The following PTPRM variants were observed in gnomAD, a reference collection of about 807,000 sequenced individuals.
PTPRM encodes protein tyrosine phosphatase receptor type M.
In PTPRM, 47 loss-of-function variants were observed where a neutral mutation model predicts 186.7. That is an observed-to-expected ratio of 0.25 (90% CI 0.20 to 0.32). The LOEUF is 0.32. PTPRM is among the 10% of genes least tolerant of loss of function. The pLI, the probability that PTPRM is intolerant of heterozygous loss-of-function variation, is 1.00. For synonymous variants in PTPRM, 668 were observed against 674.9 expected, an observed-to-expected ratio of 0.99 and a Z score of 0.16; for missense variants, 1,494 against 1,865.0, an observed-to-expected ratio of 0.80 and a Z score of 3.66.
intron 14 of PTPRM, among the ~76,000 whole-genome samples, chr18:8,230,979 A>G (rs761948738): frequency 6.6e-5 from 10 of 152,196 alleles, no homozygotes; most frequent in Admixed American, 5.2e-4. Context: ...ACCAGCTCCT[A>G]CTGCAGCCCT....
chr18:8,024,797 C>T (rs1317315141), intron 7 of PTPRM, among the ~76,000 whole-genome samples: 2 of 150,784 alleles, frequency 1.3e-5, no homozygotes, highest in African/African-American at 4.9e-5. Flanking sequence ...AATCCTTCCA[C>T]CTCAGCCCCC....
intron 14 of PTPRM, among the ~76,000 whole-genome samples, chr18:8,166,222 C>T (rs376905695): frequency 2.2e-4 from 33 of 152,268 alleles, no homozygotes; most frequent in African/African-American, 7.2e-4. Flanking sequence ...AGTGGCTTGG[C>T]GGACTCCAAC....
intron 14 of PTPRM, among the ~76,000 whole-genome samples, chr18:8,217,777 A>G (rs1260564153): frequency 1.3e-5 from 2 of 152,166 alleles, no homozygotes; most frequent in African/African-American, 4.8e-5. Flanking sequence ...CAGCATTCAT[A>G]TATTTCCGTA....
intron 7 of PTPRM, among the ~76,000 whole-genome samples, chr18:8,014,412 G>A (rs1001030652): frequency 6.6e-6 from 1 of 152,056 alleles, no homozygotes; most frequent in African/African-American, 2.4e-5. Context: ...TTAGTGAATT[G>A]TTAAAAAGTA....
rs530419680 is a variant in PTPRM at position 8,348,387 on chromosome 18, G to A, written c.3054+4867G>A. 9.7e-4 allele frequency among the ~76,000 whole-genome samples: 148 copies of A among 152,318 alleles called. 1 individual carries two copies. Among genetic ancestry groups the A allele is most frequent in the African/African-American group, 3.2e-3 (133 of 41,582 alleles). On this transcript the variant is annotated intron_variant, in intron 23 of 32. Coordinates refer to ENST00000580170, the MANE Select transcript of PTPRM (RefSeq NM_001105244.2). The stretch of plus-strand genomic sequence containing the variant: ...AGATGCTGCACTTCCCTCCAGCGGG[G>A]TCCCCGGTACATCTGACAGGACCTG...
intron 7 of PTPRM, among the ~76,000 whole-genome samples, chr18:7,977,812 G>A (rs931650994): frequency 2.0e-5 from 3 of 152,028 alleles, no homozygotes; most frequent in Admixed American, 2.0e-4. Context: ...TATGTCTCTG[G>A]CCCAGGAGTC....
At chr18:7,642,820 G>A (rs1242455447) in intron 1 of PTPRM, among the ~76,000 whole-genome samples, 2 of 148,258 alleles carry the variant, frequency 1.3e-5, no homozygotes, top group African/African-American at 5.0e-5. Flanking sequence ...AGGTAAAGGG[G>A]CCCAAGACTT....
intron 2 of PTPRM, among the ~76,000 whole-genome samples, chr18:7,802,457 T>C (rs1208560117): frequency 6.6e-6 from 1 of 152,122 alleles, no homozygotes; most frequent in Non-Finnish European, 1.5e-5. Context: ...CATGGAGGAT[T>C]ACCACTGAGA....
chr18:7,908,275 G>A (rs1475158919), intron 4 of PTPRM, among the ~76,000 whole-genome samples: 1 of 152,170 alleles, frequency 6.6e-6, no homozygotes, highest in Non-Finnish European at 1.5e-5. Context: ...TCTGAGGGAT[G>A]ATAACCTGCT....
At position 7,977,269 on chromosome 18, in the gene PTPRM, T is replaced by C. The variant is rs147622428; in HGVS notation, c.1132+21855T>C. Among the ~76,000 whole-genome samples, 1,172 of 152,176 alleles carry C rather than the reference T, an allele frequency of 7.7e-3. 19 individuals carry two copies. Among genetic ancestry groups the C allele is most frequent in the African/African-American group, 0.027 (1,101 of 41,534 alleles). On this transcript the variant is annotated intron_variant, in intron 7 of 32. Transcript: ENST00000580170. ...CACGCCCAGCTAATTTTTGTATTTT[T>C]GTAGAGACGGAGTTTTGCCATGTTG...
At position 7,926,687 on chromosome 18, in the gene PTPRM, C is replaced by T; in HGVS notation, c.663+4C>T. 1.2e-6 allele frequency: 2 copies of T among 1,604,948 alleles called. No individual in the cohort carries two copies. Among genetic ancestry groups the T allele is most frequent in the Non-Finnish European group, 8.5e-7 (1 of 1,175,732 alleles). ...AGGAGACAGGCTCTGGTTACAGGTACAGTAACTCATTTTCATCAGTTGATG... is the reference window on the plus strand; with the variant it reads ...AGGAGACAGGCTCTGGTTACAGGTATAGTAACTCATTTTCATCAGTTGATG... On this transcript the variant is annotated splice_donor_region_variant and intron_variant, in intron 5 of 32. Coordinates refer to ENST00000580170, the MANE Select transcript of PTPRM (RefSeq NM_001105244.2).
chr18:7,872,083 A>C (rs1280905897), intron 2 of PTPRM, among the ~76,000 whole-genome samples: 1 of 152,206 alleles, frequency 6.6e-6, no homozygotes, highest in Non-Finnish European at 1.5e-5. Context: ...GGCATATCTC[A>C]GATTATCCGT....
chr18:7,791,833 G>A (rs2043358191), intron 2 of PTPRM, among the ~76,000 whole-genome samples: 1 of 152,100 alleles, frequency 6.6e-6, no homozygotes, highest in Non-Finnish European at 1.5e-5. Context: ...CTAAAATAAT[G>A]TTTTGAGAAT....
At chr18:8,023,860 A>ACGCG (rs1261123979) in intron 7 of PTPRM, among the ~76,000 whole-genome samples, 2 of 142,686 alleles carry the variant, frequency 1.4e-5, no homozygotes, top group African/African-American at 5.1e-5. Flanking sequence ...ACACACACAC[A>ACGCG]CACACACACA....
intron 1 of PTPRM, among the ~76,000 whole-genome samples, chr18:7,664,906 T>G (rs1264362976): frequency 6.6e-6 from 1 of 152,126 alleles, no homozygotes; most frequent in Non-Finnish European, 1.5e-5. Flanking sequence ...TAGAAGTTTG[T>G]GGGGGAAAAC....
At chr18:8,118,509 A>G (rs1273092063) in intron 13 of PTPRM, among the ~76,000 whole-genome samples, 1 of 152,128 alleles carries the variant, frequency 6.6e-6, no homozygotes, top group Non-Finnish European at 1.5e-5. Context: ...TTAAATCATT[A>G]TGAGATTTGG....
intron 32 of PTPRM, among the ~76,000 whole-genome samples, chr18:8,395,809 A>C (rs977835244): frequency 2.6e-5 from 4 of 152,170 alleles, no homozygotes; most frequent in African/African-American, 9.7e-5. Context: ...TACTAATTCT[A>C]GTTAGGTGAC....
intron 1 of PTPRM, among the ~76,000 whole-genome samples, chr18:7,700,326 T>G (rs2039933695): frequency 1.3e-5 from 2 of 151,676 alleles, no homozygotes; most frequent in South Asian, 2.1e-4. Flanking sequence ...TGCTGGGGGG[T>G]TTTATGCCTT....
chr18:8,142,433 A>C (rs1274398030), intron 13 of PTPRM, among the ~76,000 whole-genome samples: 1 of 152,124 alleles, frequency 6.6e-6, no homozygotes, highest in Non-Finnish European at 1.5e-5. Flanking sequence ...AAGAAACATC[A>C]TTTACGTGTT....
Sources: allele counts gnomAD v4.1 joint callset (sites outside exome capture counted in the v4.1 genomes callset), GRCh38; gene constraint gnomAD v4.1.1; transcripts MANE v1.5; gene names NCBI Gene and HGNC (gene_info 2026-07-23, HGNC 2026-07-21).